Variants in TIAM2 observed in about 807,000 individuals in gnomAD.
TIAM2 encodes TIAM Rac1 associated GEF 2, also known as rho guanine nucleotide exchange factor TIAM2.
Under a neutral mutation model 152.9 loss-of-function variants are expected in TIAM2, and 80 were observed. The ratio of observed to expected loss-of-function variants is 0.52; its 90% CI spans 0.44 to 0.63. The LOEUF is 0.63. Ranked by LOEUF, TIAM2 falls within the 30% of genes least tolerant of loss-of-function variation. TIAM2 has a pLI of 0.00. For missense variants in TIAM2, 1,965 were observed against 2,120.1 expected (o/e 0.93, Z 1.44); for synonymous variants, 804 against 838.0 (o/e 0.96, Z 0.70).
chr6:155,053,466 C>CCTTTT (rs1554227104), intron 1 of TIAM2, among the ~76,000 whole-genome samples: 2 of 127,312 alleles, frequency 1.6e-5, no homozygotes, highest in Admixed American at 8.3e-5. Flanking sequence ...ATTCTTGCAG[C>CCTTTT]TTTTTTTTTT....
intron 6 of TIAM2, among the ~76,000 whole-genome samples, chr6:155,147,700 G>T (rs1301228477): frequency 6.6e-6 from 1 of 152,148 alleles, no homozygotes; most frequent in African/African-American, 2.4e-5. Context: ...GGCCAGGCTG[G>T]TCTCGAACTC....
At chr6:155,038,910 G>A (rs1205291436) in intron 1 of TIAM2, among the ~76,000 whole-genome samples, 2 of 148,402 alleles carry the variant, frequency 1.3e-5, no homozygotes, top group African/African-American at 5.0e-5. Flanking sequence ...CTACACCACT[G>A]CACTCCAGCC....
chr6:155,165,426 G>A lies in TIAM2; in HGVS notation c.2361+17G>A. Reference sequence around the variant, plus strand: ...ATAACTCAGGTGAGCTTTTCAGCATGGGAACAGCAGACTAGAGTGAAATTC... The same window carrying A: ...ATAACTCAGGTGAGCTTTTCAGCATAGGAACAGCAGACTAGAGTGAAATTC... On this transcript the variant is annotated intron_variant, in intron 9 of 26. Transcript: ENST00000682666. 6.2e-7 allele frequency: 1 copy of A among 1,602,774 alleles called. No individual in the cohort carries two copies.
chr6:155,031,049 T>TA (rs1361273175), intron 1 of TIAM2, among the ~76,000 whole-genome samples: 1 of 152,230 alleles, frequency 6.6e-6, no homozygotes, highest in Non-Finnish European at 1.5e-5. Context: ...TGTGTGTGGC[T>TA]AAGAGTTTTT....
chr6:155,227,218 C>T (rs1360591816), intron 15 of TIAM2, among the ~76,000 whole-genome samples: 4 of 152,174 alleles, frequency 2.6e-5, no homozygotes. Context: ...AAGTGGGATT[C>T]CATTTCCACA....
chr6:155,256,443 C>CTGTT, intron 26 of TIAM2, 41 bp from the exon 27 acceptor site: 1 of 1,613,278 alleles, frequency 6.2e-7, no homozygotes, highest in Non-Finnish European at 8.5e-7. Context: ...ATTGTGTAAC[C>CTGTT]TGTTTCTGTA....
chr6:155,169,140 C>T lies in TIAM2; in HGVS notation c.2361+3731C>T, dbSNP rs561288703. Among the ~76,000 whole-genome samples the T allele has an allele frequency of 1.7e-3, 260 of 152,240 alleles. 1 individual carries two copies. Among genetic ancestry groups the T allele is most frequent in the African/African-American group, 5.1e-3 (210 of 41,544 alleles). On this transcript the variant is annotated intron_variant, in intron 9 of 26. Transcript: ENST00000682666. ...CCTCCCGAGTAGCTGGGACTACAGG[C>T]GCCCGCCACCACGCCCGGCTAATTT...
chr6:155,130,224 CTT>C lies in TIAM2; in HGVS notation c.1004_1005del (p.Phe335CysfsTer5), dbSNP rs758860270. On this transcript the variant is annotated frameshift_variant, in exon 4 of 27. Coordinates refer to ENST00000682666, the MANE Select transcript of TIAM2 (RefSeq NM_012454.4). LOFTEE classifies it high-confidence loss of function. The stretch of plus-strand genomic sequence containing the variant: ...CATGCCAGCCTGAGCAACCGTGTCT[CTT>C]TTGCTTCCGACATTGATGTGCCCTC... 6.2e-7 allele frequency: 1 copy of C among 1,614,204 alleles called. No homozygotes were observed. The highest frequency in any genetic ancestry group is 1.1e-5 in the South Asian group (1 of 91,084).
intron 24 of TIAM2, 192 bp downstream of exon 24, chr6:155,253,245 CT>C: frequency 1.9e-6 from 1 of 513,838 alleles, no homozygotes; most frequent in Non-Finnish European, 3.4e-6. Flanking sequence ...TGGTGGATAG[CT>C]TTTTCTTTGC....
chr6:155,000,311 T>C (rs149393324), intron 1 of TIAM2, among the ~76,000 whole-genome samples: 4,431 of 152,018 alleles, frequency 0.029, 117 homozygotes, highest in Non-Finnish European at 0.042. Flanking sequence ...AAGGGGCGGA[T>C]CACCTGAGGT....
rs146498115 is a variant in TIAM2, at chr6:155,060,362, A to G, written c.-208-29927A>G. 2.1e-3 allele frequency among the ~76,000 whole-genome samples: 324 copies of G among 152,324 alleles called. 3 individuals are homozygous for G. The highest frequency in any genetic ancestry group is 7.2e-3 in the African/African-American group (298 of 41,568). On this transcript the variant is annotated intron_variant, in intron 1 of 26. Transcript: ENST00000682666. ...GTTTGCGGTGAGCCGAGATCACGCC[A>G]TTGCACTCCAGTCTAGGCAACAAGA...
chr6:155,139,610 T>G (rs888080165), intron 5 of TIAM2, among the ~76,000 whole-genome samples: 1 of 152,182 alleles, frequency 6.6e-6, no homozygotes, highest in Non-Finnish European at 1.5e-5. Context: ...GTCAGATAGC[T>G]ACCCAAGGAC....
intron 7 of TIAM2, among the ~76,000 whole-genome samples, chr6:155,160,965 A>C (rs1780253770): frequency 1.3e-5 from 2 of 152,350 alleles, no homozygotes; most frequent in South Asian, 4.1e-4. Flanking sequence ...GATACAATCA[A>C]GACAACAAAC....
intron 2 of TIAM2, among the ~76,000 whole-genome samples, chr6:155,101,296 T>A (rs1164138572): frequency 6.6e-6 from 1 of 152,208 alleles, no homozygotes; most frequent in Non-Finnish European, 1.5e-5. Context: ...ACCGCATTTC[T>A]CAAGGTCTGT....
chr6:155,130,311 C>G lies in TIAM2; in HGVS notation c.1088C>G (p.Pro363Arg). Residue 363 changes from proline (P) to arginine (R), a missense_variant, in exon 4 of 27, where the codon CCC becomes CGC. This residue lies in a region of TIAM2 where 1,025 missense variants were observed against 1,119.4 expected (regional missense o/e 0.92). Transcript: ENST00000682666. ...YSSFTLPCRK[P>R]KAFVEDTAKK... is the part of the protein sequence containing the mutation. Reference sequence around the variant, plus strand: ...TCCTTCACTCTCCCCTGTCGGAAGCCCAAAGCCTTTGTTGAGGATACTGCG... The same window carrying G: ...TCCTTCACTCTCCCCTGTCGGAAGCGCAAAGCCTTTGTTGAGGATACTGCG... 1 of 1,614,114 alleles carries G rather than the reference C, an allele frequency of 6.2e-7. No individual in the cohort carries two copies. The highest frequency in any genetic ancestry group is 8.5e-7 in the Non-Finnish European group (1 of 1,180,034).
chr6:155,057,017 C>CTTTTTTTTTTTTTTTTTTTTTTT (rs71023612), intron 1 of TIAM2, among the ~76,000 whole-genome samples: 1 of 43,868 alleles, frequency 2.3e-5, no homozygotes. Flanking sequence ...AGTTTTCTTT[C>CTTTTTTTTTTTTTTTTTTTTTTT]TTTTTTTTTT....
chr6:155,052,858 C>A (rs576722733), intron 1 of TIAM2, among the ~76,000 whole-genome samples: 1 of 151,416 alleles, frequency 6.6e-6, no homozygotes, highest in Admixed American at 6.6e-5. Flanking sequence ...ATTAGCCATA[C>A]GTTTTATGGT....
At chr6:155,051,490 G>A (rs931022434) in intron 1 of TIAM2, among the ~76,000 whole-genome samples, 1 of 152,052 alleles carries the variant, frequency 6.6e-6, no homozygotes, top group Non-Finnish European at 1.5e-5. Flanking sequence ...CTTGCCCAAG[G>A]GTAAAAATGC....
At chr6:155,096,276 G>A (rs761300381) in intron 2 of TIAM2, among the ~76,000 whole-genome samples, 112 of 152,224 alleles carry the variant, frequency 7.4e-4, no homozygotes, top group Non-Finnish European at 1.4e-3. Flanking sequence ...AATTCAGCAC[G>A]TTCATATAAT....
Sources: gnomAD v4.1 joint callset for allele counts (sites outside exome capture counted in the v4.1 genomes callset) on GRCh38, gnomAD v4.1.1 for gene constraint, gnomAD v4.1.1 regional missense constraint, MANE v1.5 for transcripts, NCBI Gene and HGNC (gene_info 2026-07-23, HGNC 2026-07-21) for gene names.